Variants in RAF1 observed in about 807,000 individuals in gnomAD.
RAF1 encodes Raf-1 proto-oncogene, serine/threonine kinase.
Under a neutral mutation model 81.1 loss-of-function variants are expected in RAF1, and 27 were observed. That is an observed-to-expected ratio of 0.33 (90% CI 0.25 to 0.46). RAF1 has a LOEUF of 0.46. Among genes scored for constraint, RAF1 ranks in the 20% least tolerant of loss-of-function variants. RAF1 has a pLI of 1.00. For synonymous variants in RAF1, 298 were observed against 294.0 expected (o/e 1.01, Z -0.14); for missense variants, 598 against 826.0 (o/e 0.72, Z 3.38).
intron 3 of RAF1, 80 bp downstream of exon 3, chr3:12,611,870 C>A (rs1451311591): frequency 1.0e-6 from 1 of 1,000,554 alleles, no homozygotes; most frequent in African/African-American, 1.6e-5. Flanking sequence ...GAAGCTAGTA[C>A]AATTTAATAC....
At chr3:12,650,380 AT>A (rs1423022246) in intron 1 of RAF1, among the ~76,000 whole-genome samples, 1 of 152,102 alleles carries the variant, frequency 6.6e-6, no homozygotes, top group Non-Finnish European at 1.5e-5. Context: ...AACTACATGT[AT>A]TTCCTATAAT....
chr3:12,591,442 C>G (rs1035987681), intron 12 of RAF1, among the ~76,000 whole-genome samples: 1 of 152,088 alleles, frequency 6.6e-6, no homozygotes, highest in African/African-American at 2.4e-5. Context: ...AAACCAAAAC[C>G]CAGAGACAGA....
At chr3:12,641,426 C>T (rs117220879) in intron 1 of RAF1, among the ~76,000 whole-genome samples, 2 of 147,518 alleles carry the variant, frequency 1.4e-5, no homozygotes, top group African/African-American at 5.0e-5. Context: ...GTTCCACTTA[C>T]AGGAAATATA....
intron 1 of RAF1, among the ~76,000 whole-genome samples, chr3:12,649,810 G>A (rs1358506162): frequency 6.6e-6 from 1 of 151,942 alleles, no homozygotes; most frequent in African/African-American, 2.4e-5. Context: ...GATCAGCCTG[G>A]GCAACTGAGG....
At chr3:12,616,347 T>C (rs556731938) in intron 2 of RAF1, among the ~76,000 whole-genome samples, 4 of 152,344 alleles carry the variant, frequency 2.6e-5, no homozygotes, top group South Asian at 4.1e-4. Flanking sequence ...AAGCACCAAA[T>C]GGTCTTCAGC....
intron 2 of RAF1, among the ~76,000 whole-genome samples, chr3:12,612,709 C>T (rs980346092): frequency 1.1e-4 from 17 of 148,750 alleles, no homozygotes; most frequent in African/African-American, 4.2e-4. Context: ...GAAAGATTTA[C>T]ACCTAGCTGT....
intron 1 of RAF1, among the ~76,000 whole-genome samples, chr3:12,653,796 A>C (rs1049568225): frequency 6.6e-6 from 1 of 152,082 alleles, no homozygotes; most frequent in South Asian, 2.1e-4. Flanking sequence ...GTACAGTACA[A>C]TACCATAAAC....
At chr3:12,648,683 T>C (rs1354624703) in intron 1 of RAF1, among the ~76,000 whole-genome samples, 1 of 151,796 alleles carries the variant, frequency 6.6e-6, no homozygotes, top group Non-Finnish European at 1.5e-5. Context: ...GAAGCAGAGG[T>C]GGCTGTGAGC....
intron 1 of RAF1, among the ~76,000 whole-genome samples, chr3:12,627,759 C>A (rs989324164): frequency 6.6e-6 from 1 of 152,160 alleles, no homozygotes; most frequent in Non-Finnish European, 1.5e-5. Context: ...GGTGTAAATT[C>A]TTCAAAGCCG....
intron 1 of RAF1, among the ~76,000 whole-genome samples, chr3:12,628,060 T>C (rs1042227670): frequency 6.6e-6 from 1 of 152,188 alleles, no homozygotes; most frequent in Non-Finnish European, 1.5e-5. Context: ...GCAGAGGTTG[T>C]AGTGAGCTAC....
At position 12,618,761 on chromosome 3, in the gene RAF1, C is replaced by T; in HGVS notation, c.-26-14G>A. The T allele has an allele frequency of 1.3e-6, 2 of 1,587,174 alleles. No homozygotes were observed. Among genetic ancestry groups the T allele is most frequent in the Middle Eastern group, 3.3e-4 (2 of 6,010 alleles). On this transcript the variant is annotated splice_polypyrimidine_tract_variant and intron_variant, in intron 1 of 17. Transcript: ENST00000442415. ...CAATTCTTAAACCTGGTAAGAAACA[C>T]AAATAATTGTAACTCTAGAACAAAA... is the stretch of plus-strand genomic sequence containing the variant.
chr3:12,585,407 C>T (rs2058300487), intron 15 of RAF1, 154 bp from the exon 15 acceptor site: 1 of 985,402 alleles, frequency 1.0e-6, no homozygotes, highest in Non-Finnish European at 1.2e-6. Context: ...AACTCAGGCA[C>T]TGGTTAAAAC....
In RAF1 at chr3:12,584,159, GC is replaced by G; in HGVS notation, c.*354del. 2.5e-6 allele frequency: 1 copy of G among 401,984 alleles called. No individual in the cohort carries two copies. The highest frequency in any genetic ancestry group is 4.7e-6 in the Non-Finnish European group (1 of 213,474). The allele number at this position is 401,984 out of a possible 1,614,324, so 24.9% of individuals were successfully genotyped here. ...TGTGTCTCCACATCAGGGCTGGACT[GC>G]CTGCTACCTTACTTCCTCTAAATAC... On this transcript the variant is annotated 3_prime_UTR_variant, in exon 18 of 18. Coordinates refer to ENST00000442415, the MANE Select transcript of RAF1 (RefSeq NM_001354689.3).
At chr3:12,642,997 GAAGA>G (rs2060240187) in intron 1 of RAF1, among the ~76,000 whole-genome samples, 2 of 152,178 alleles carry the variant, frequency 1.3e-5, no homozygotes, top group African/African-American at 4.8e-5. Flanking sequence ...GGAAAGCTAT[GAAGA>G]AAGAGAAGAA....
intron 1 of RAF1, among the ~76,000 whole-genome samples, chr3:12,621,971 ACT>A (rs2059568791): frequency 6.6e-6 from 1 of 152,158 alleles, no homozygotes; most frequent in Non-Finnish European, 1.5e-5. Flanking sequence ...TACATTACTT[ACT>A]TTTTGTTTTT....
chr3:12,617,804 AATC>A (rs1365210673), intron 2 of RAF1, among the ~76,000 whole-genome samples: 2 of 151,380 alleles, frequency 1.3e-5, no homozygotes, highest in Non-Finnish European at 2.9e-5. Context: ...GAGGCAGGAG[AATC>A]ACTTCAACCC....
Position 12,601,047 on chromosome 3 carries a change from G to A in RAF1, c.895-632C>T, listed in dbSNP as rs892351940. Among the ~76,000 whole-genome samples the A allele has an allele frequency of 4.6e-5, 7 of 152,164 alleles. No individual in the cohort carries two copies. The South Asian group carries it at 1.4e-3, about 31-fold the overall frequency. The stretch of plus-strand genomic sequence containing the variant: ...TTTTAAAAAGCCAGGGTGGGGAGGT[G>A]GATTCTGGGGGAAGCTCACTCTTAC... On this transcript the variant is annotated intron_variant, in intron 8 of 17. Transcript: ENST00000442415.
chr3:12,585,600 C>A (rs1354187447), intron 15 of RAF1, 81 bp downstream of exon 14: 1 of 1,405,828 alleles, frequency 7.1e-7, no homozygotes, highest in South Asian at 1.2e-5. Context: ...TGTACAGAAA[C>A]GCTTTAAGTT....
chr3:12,625,112 C>T (rs932152219), intron 1 of RAF1, among the ~76,000 whole-genome samples: 1 of 151,856 alleles, frequency 6.6e-6, no homozygotes, highest in African/African-American at 2.4e-5. Context: ...GAGGCGGAAT[C>T]TCACTCTGTT....
Sources: allele counts gnomAD v4.1 joint callset (sites outside exome capture counted in the v4.1 genomes callset), GRCh38; gene constraint gnomAD v4.1.1; transcripts MANE v1.5; gene names NCBI Gene and HGNC (gene_info 2026-07-23, HGNC 2026-07-21).